EEA1: variants seen among roughly 807,000 people sequenced by gnomAD.
The protein encoded by EEA1 is early endosome antigen 1.
Under a neutral mutation model 209.2 loss-of-function variants are expected in EEA1, and 111 were observed. The observed-to-expected ratio is 0.53, with a 90% CI of 0.45 to 0.62. EEA1 has a LOEUF of 0.62. Ranked by LOEUF, EEA1 falls within the 20% of genes least tolerant of loss-of-function variation. The pLI, the probability that EEA1 is intolerant of heterozygous loss-of-function variation, is 0.00. For synonymous variants in EEA1, 536 were observed against 540.6 expected (o/e 0.99, Z 0.12); for missense variants, 1,343 against 1,530.8 (o/e 0.88, Z 2.05).
chr12:92,925,452 T>C (rs1210236970), intron 1 of EEA1, among the ~76,000 whole-genome samples: 3 of 152,160 alleles, frequency 2.0e-5, no homozygotes, highest in African/African-American at 7.2e-5. Flanking sequence ...CTGATCTCAG[T>C]GATCTGCACG....
chr12:92,859,196 T>C, intron 3 of EEA1: 2 of 1,612,980 alleles, frequency 1.2e-6, no homozygotes, highest in Non-Finnish European at 1.7e-6. Context: ...AAGAAGCCAA[T>C]TTATCAGAGG....
intron 10 of EEA1, 57 bp from the exon 11 acceptor site, chr12:92,832,907 TACTC>T: frequency 1.6e-6 from 2 of 1,272,446 alleles, no homozygotes; most frequent in Non-Finnish European, 2.1e-6. Context: ...TTACTCCAAT[TACTC>T]AAACAATCTT....
In EEA1 at chr12:92,778,262, C is replaced by T. The variant is rs112410228; in HGVS notation, c.3655-83G>A. 377 of 1,114,534 alleles carry T rather than the reference C, an allele frequency of 3.4e-4. 1 individual carries two copies. The African/African-American group carries it at 5.3e-3, about 16-fold the overall frequency. 69.0% of individuals were successfully genotyped at this position (1,114,534 alleles called of 1,614,324 possible). ...TAAGTGATTTATTACATTTAAAATACTGGCAATTTGCTTCTTCGGGAATGG... is the reference window on the plus strand; with the variant it reads ...TAAGTGATTTATTACATTTAAAATATTGGCAATTTGCTTCTTCGGGAATGG... On this transcript the variant is annotated intron_variant, in intron 25 of 28. Transcript: ENST00000322349.
chr12:92,816,515 A>T (rs897949591), intron 14 of EEA1, 115 bp from the exon 15 acceptor site: 3 of 918,148 alleles, frequency 3.3e-6, no homozygotes, highest in African/African-American at 3.4e-5. Flanking sequence ...TTATCTCAAA[A>T]TTTTTCAAGT....
At chr12:92,861,032 C>A (rs1472742683) in intron 3 of EEA1, among the ~76,000 whole-genome samples, 1 of 152,182 alleles carries the variant, frequency 6.6e-6, no homozygotes, top group Non-Finnish European at 1.5e-5. Context: ...ATGACATGCT[C>A]TTTCCTGTCT....
intron 1 of EEA1, among the ~76,000 whole-genome samples, chr12:92,920,989 C>G (rs1373469699): frequency 2.6e-5 from 4 of 151,184 alleles, no homozygotes; most frequent in Non-Finnish European, 4.5e-5. Flanking sequence ...CCAAAAAACA[C>G]ATGAAAAAAT....
intron 10 of EEA1, among the ~76,000 whole-genome samples, chr12:92,838,815 A>G (rs1247193969): frequency 6.6e-6 from 1 of 152,226 alleles, no homozygotes; most frequent in East Asian, 1.9e-4. Context: ...TAAAAAATAG[A>G]AAGTATACAT....
chr12:92,858,509 T>G (rs1352336038), intron 3 of EEA1: 2 of 858,030 alleles, frequency 2.3e-6, no homozygotes, highest in African/African-American at 3.3e-5. Flanking sequence ...GCTACGCCAC[T>G]GATGAAACTG....
intron 20 of EEA1, among the ~76,000 whole-genome samples, chr12:92,801,381 C>T (rs956446477): frequency 4.0e-5 from 6 of 151,450 alleles, no homozygotes; most frequent in Non-Finnish European, 7.4e-5. Context: ...AGGCAAAATA[C>T]AAATAACAAT....
chr12:92,824,598 C>A (rs2136685564), intron 13 of EEA1, among the ~76,000 whole-genome samples: 1 of 152,284 alleles, frequency 6.6e-6, no homozygotes, highest in East Asian at 1.9e-4. Context: ...GCCTCTGGAC[C>A]ATTTAACATA....
intron 9 of EEA1, among the ~76,000 whole-genome samples, chr12:92,845,583 A>G (rs1280443382): frequency 6.6e-6 from 1 of 152,128 alleles, no homozygotes; most frequent in East Asian, 1.9e-4. Context: ...TGCTTATTTC[A>G]TTCTTCTCAC....
chr12:92,830,348 G>T (rs1359812187), intron 11 of EEA1, among the ~76,000 whole-genome samples: 1 of 151,936 alleles, frequency 6.6e-6, no homozygotes, highest in East Asian at 1.9e-4. Context: ...AGCAGGTCTG[G>T]CTGTCTGTTG....
chr12:92,868,366 C>T (rs948268777), intron 2 of EEA1, among the ~76,000 whole-genome samples: 1 of 152,154 alleles, frequency 6.6e-6, no homozygotes, highest in Non-Finnish European at 1.5e-5. Context: ...AATGTTTAGC[C>T]TGTCATTTCT....
intron 10 of EEA1, among the ~76,000 whole-genome samples, chr12:92,833,415 C>T (rs1473604880): frequency 6.6e-6 from 1 of 152,068 alleles, no homozygotes; most frequent in African/African-American, 2.4e-5. Context: ...AAGCTAATCA[C>T]CTGCCTTAAA....
Position 92,867,537 on chromosome 12 carries a change from C to G in EEA1, c.118-2550G>C, listed in dbSNP as rs537724990. ...GAGAAAATGAGCTAAGCAATAAGTA[C>G]TCTGAGCACGTAAAAACTAAAAATA... is the stretch of plus-strand genomic sequence containing the variant. On this transcript the variant is annotated intron_variant, in intron 2 of 28. Transcript: ENST00000322349. Among the ~76,000 whole-genome samples, 3 of 152,110 alleles carry G rather than the reference C, an allele frequency of 2.0e-5. No homozygotes were observed. In the South Asian group the frequency reaches 6.2e-4, roughly 31 times the overall value.
At chr12:92,804,141 C>T (rs1875069566) in intron 18 of EEA1, among the ~76,000 whole-genome samples, 1 of 152,144 alleles carries the variant, frequency 6.6e-6, no homozygotes, top group Admixed American at 6.5e-5. Context: ...TTTATAGCCA[C>T]TCCACCCAAT....
At position 92,872,945 on chromosome 12, in the gene EEA1, C is replaced by T. The variant is rs1592749492; in HGVS notation, c.118-7958G>A. Among the ~76,000 whole-genome samples, 3 of 152,016 alleles carry T rather than the reference C, an allele frequency of 2.0e-5. No individual in the cohort carries two copies. The East Asian group carries it at 5.8e-4, about 29-fold the overall frequency. ...CTCCAGCCTGGGTGACAGAGTCAGA[C>T]TCTGTCTCAAACAAAAAAAAGAATA... On this transcript the variant is annotated intron_variant, in intron 2 of 28. Coordinates refer to ENST00000322349, the MANE Select transcript of EEA1 (RefSeq NM_003566.4).
At chr12:92,794,729 CG>C (rs1289027923) in intron 21 of EEA1, among the ~76,000 whole-genome samples, 1 of 73,148 alleles carries the variant, frequency 1.4e-5, no homozygotes, top group Non-Finnish European at 2.8e-5. Flanking sequence ...CAGGGCCTGT[CG>C]GGGGGTGGGG....
chr12:92,783,039 A>G (rs539615190), intron 22 of EEA1, among the ~76,000 whole-genome samples: 1 of 152,342 alleles, frequency 6.6e-6, no homozygotes, highest in East Asian at 1.9e-4. Flanking sequence ...AATATCCTTT[A>G]TAATAAATCA....
Sources: gnomAD v4.1 joint callset for allele counts (sites outside exome capture counted in the v4.1 genomes callset) on GRCh38, gnomAD v4.1.1 for gene constraint, MANE v1.5 for transcripts, NCBI Gene and HGNC (gene_info 2026-07-23, HGNC 2026-07-21) for gene names.